The following IRAG1 variants were observed in gnomAD, a reference collection of about 807,000 sequenced individuals.
The protein encoded by IRAG1 is IP3R-associated cGMP kinase substrate.
In IRAG1, 62 loss-of-function variants were observed where a neutral mutation model predicts 106.2. The observed-to-expected ratio is 0.58, with a 90% CI of 0.48 to 0.72. The LOEUF is 0.72. Among genes scored for constraint, IRAG1 ranks in the 30% least tolerant of loss-of-function variants. The pLI is 0.00. For missense variants in IRAG1, 1,064 were observed against 1,140.7 expected, an observed-to-expected ratio of 0.93 and a Z score of 0.97; for synonymous variants, 462 against 443.9, an observed-to-expected ratio of 1.04 and a Z score of -0.51.
chr11:10,606,647 A>G, intron 12 of IRAG1, 95 bp downstream of exon 12: 1 of 1,283,110 alleles, frequency 7.8e-7, no homozygotes, highest in Non-Finnish European at 1.1e-6. Context: ...ATTTTTGTCT[A>G]AAAATGTCAG....
At chr11:10,655,583 G>A (rs1858856819) in intron 1 of IRAG1, among the ~76,000 whole-genome samples, 1 of 152,120 alleles carries the variant, frequency 6.6e-6, no homozygotes, top group Non-Finnish European at 1.5e-5. Flanking sequence ...TTCTCGTAAA[G>A]CCTGGGACAA....
intron 1 of IRAG1, among the ~76,000 whole-genome samples, chr11:10,662,080 G>A (rs1859447093): frequency 6.6e-6 from 1 of 152,192 alleles, no homozygotes; most frequent in Non-Finnish European, 1.5e-5. Context: ...GTTAATAAAT[G>A]AATGACACCG....
intron 3 of IRAG1, 42 bp downstream of exon 3, chr11:10,633,926 G>T: frequency 1.6e-6 from 2 of 1,214,768 alleles, no homozygotes; most frequent in South Asian, 2.9e-5. Flanking sequence ...TCATGTTCTA[G>T]GAAATATTGT....
At chr11:10,618,325 A>G (rs1427358157) in intron 10 of IRAG1, among the ~76,000 whole-genome samples, 1 of 152,138 alleles carries the variant, frequency 6.6e-6, no homozygotes, top group African/African-American at 2.4e-5. Flanking sequence ...ATGGCCTGTT[A>G]AAGTTTTATC....
chr11:10,687,163 G>A (rs947550756), intron 1 of IRAG1, among the ~76,000 whole-genome samples: 4 of 152,160 alleles, frequency 2.6e-5, no homozygotes, highest in South Asian at 2.1e-4. Flanking sequence ...CTGCAGCCTC[G>A]GCCCTGCCTG....
At chr11:10,680,229 C>T (rs1214372237) in intron 1 of IRAG1, among the ~76,000 whole-genome samples, 2 of 141,706 alleles carry the variant, frequency 1.4e-5, no homozygotes, top group African/African-American at 2.6e-5. Flanking sequence ...GCAGAGATTA[C>T]ACCACTACAC....
chr11:10,627,469 C>G (rs564439011), intron 8 of IRAG1, among the ~76,000 whole-genome samples: 3 of 152,202 alleles, frequency 2.0e-5, no homozygotes, highest in African/African-American at 7.2e-5. Flanking sequence ...AGCAGCCTGA[C>G]TGGGGGTCAG....
chr11:10,673,745 G>T (rs139068590), intron 1 of IRAG1, among the ~76,000 whole-genome samples: 2,321 of 151,806 alleles, frequency 0.015, 27 homozygotes, highest in Non-Finnish European at 0.025. Context: ...AGTGCCTTGT[G>T]ACCTCTCTGG....
intron 14 of IRAG1, 116 bp from the exon 15 acceptor site, chr11:10,601,175 C>G (rs1853957099): frequency 7.2e-7 from 1 of 1,395,150 alleles, no homozygotes; most frequent in Non-Finnish European, 9.7e-7. Flanking sequence ...AGGGACAAGA[C>G]TCTGCCCTCT....
rs112730172 is a variant in IRAG1 at position 10,674,931 on chromosome 11, C to T, written c.67+18605G>A. 6.6e-3 allele frequency among the ~76,000 whole-genome samples: 1,002 copies of T among 152,348 alleles called. 11 individuals are homozygous for T. Among genetic ancestry groups the T allele is most frequent in the African/African-American group, 0.022 (924 of 41,570 alleles). ...CAAGTCACATCCTAAGATGGGGGTT[C>T]ATCCCCTCATATGAAGGATTCTCTT... On this transcript the variant is annotated intron_variant, in intron 1 of 20. Coordinates refer to ENST00000423302, the MANE Select transcript of IRAG1 (RefSeq NM_130385.4).
At chr11:10,590,346 CAA>C (rs1017213037) in intron 18 of IRAG1, among the ~76,000 whole-genome samples, 5 of 152,048 alleles carry the variant, frequency 3.3e-5, no homozygotes, top group African/African-American at 1.2e-4. Flanking sequence ...GGTGAGGTGG[CAA>C]AGAGACGAAA....
chr11:10,583,738 G>A (rs1385478191), intron 18 of IRAG1, among the ~76,000 whole-genome samples: 1 of 152,140 alleles, frequency 6.6e-6, no homozygotes, highest in Non-Finnish European at 1.5e-5. Context: ...CTTTGCAAAA[G>A]GAAATAGGGA....
intron 18 of IRAG1, among the ~76,000 whole-genome samples, chr11:10,590,612 G>C (rs1852535931): frequency 6.6e-6 from 1 of 152,196 alleles, no homozygotes; most frequent in Admixed American, 6.5e-5. Context: ...AGACACAAGG[G>C]GAAAATTCTG....
chr11:10,631,228 G>A (rs1284966092), intron 4 of IRAG1, among the ~76,000 whole-genome samples: 1 of 152,176 alleles, frequency 6.6e-6, no homozygotes, highest in African/African-American at 2.4e-5. Flanking sequence ...TTTGAGTTGG[G>A]TTTCTATCAT....
chr11:10,616,672 T>G (rs1447916592), intron 10 of IRAG1, among the ~76,000 whole-genome samples: 1 of 152,224 alleles, frequency 6.6e-6, no homozygotes, highest in East Asian at 1.9e-4. Flanking sequence ...ATAGTTTCAC[T>G]TCAAGTTCAA....
At chr11:10,582,123 A>C in intron 18 of IRAG1, 137 bp from the exon 19 acceptor site, 1 of 1,116,004 alleles carries the variant, frequency 9.0e-7, no homozygotes, top group South Asian at 1.8e-5. Flanking sequence ...ATTTTTTCCC[A>C]ATCCTTCTAC....
At chr11:10,678,091 C>T (rs7109510) in intron 1 of IRAG1, among the ~76,000 whole-genome samples, 115 of 152,276 alleles carry the variant, frequency 7.6e-4, no homozygotes, top group African/African-American at 2.7e-3. Context: ...GATAGACATT[C>T]GTGTTGTTTC....
At chr11:10,578,913 C>A (rs1430000425) in intron 20 of IRAG1, among the ~76,000 whole-genome samples, 3 of 152,190 alleles carry the variant, frequency 2.0e-5, no homozygotes, top group African/African-American at 7.2e-5. Context: ...CAGTCTGTCT[C>A]TGCTGTATTC....
In IRAG1 at chr11:10,590,049, T is replaced by G. The variant is rs1029621654; in HGVS notation, c.2240+1499A>C. On this transcript the variant is annotated intron_variant, in intron 18 of 20. Coordinates refer to ENST00000423302, the MANE Select transcript of IRAG1 (RefSeq NM_130385.4). ...CTAGAGTTGGGAAAGGGGCTAGAGT[T>G]GAGGGTTCTCTGAAGTAGGGATCTG... Among the ~76,000 whole-genome samples, 5 of 152,142 alleles carry G rather than the reference T, an allele frequency of 3.3e-5. No homozygotes were observed. In the East Asian group the frequency reaches 9.6e-4, roughly 29 times the overall value.
Sources: gnomAD v4.1 joint callset for allele counts (sites outside exome capture counted in the v4.1 genomes callset) on GRCh38, gnomAD v4.1.1 for gene constraint, MANE v1.5 for transcripts, NCBI Gene and HGNC (gene_info 2026-07-23, HGNC 2026-07-21) for gene names.